The following ROBO1 variants were observed in gnomAD, a reference collection of about 807,000 sequenced individuals.
The protein encoded by ROBO1 is roundabout guidance receptor 1.
ROBO1 carries 149 observed loss-of-function variants against 195.9 expected under a neutral mutation model. That is an observed-to-expected ratio of 0.76 (90% CI 0.67 to 0.87). ROBO1 has a LOEUF of 0.87. ROBO1 is among the 40% of genes least tolerant of loss of function. The probability of loss-of-function intolerance (pLI) is 0.00; values close to 1 mark genes in which losing one functional copy is unlikely to be tolerated. For synonymous variants in ROBO1, 816 were observed against 733.2 expected (o/e 1.11, Z -1.82); for missense variants, 1,933 against 2,068.3 (o/e 0.93, Z 1.27).
intron 2 of ROBO1, among the ~76,000 whole-genome samples, chr3:79,572,205 A>C (rs771425862): frequency 6.6e-5 from 10 of 152,070 alleles, no homozygotes; most frequent in Non-Finnish European, 1.3e-4. Context: ...TCCATACATT[A>C]AATATTAAAG....
intron 3 of ROBO1, among the ~76,000 whole-genome samples, chr3:79,072,132 T>A (rs1576640447): frequency 6.6e-6 from 1 of 151,906 alleles, no homozygotes; most frequent in East Asian, 1.9e-4. Context: ...TGATTTTTCA[T>A]TTTGACATAC....
intron 3 of ROBO1, among the ~76,000 whole-genome samples, chr3:78,969,902 G>A (rs2076726000): frequency 6.6e-6 from 1 of 152,104 alleles, no homozygotes; most frequent in South Asian, 2.1e-4. Context: ...AATACTCAGT[G>A]AGTTACGACT....
chr3:79,389,639 G>T (rs1048096826), intron 2 of ROBO1, among the ~76,000 whole-genome samples: 41 of 152,132 alleles, frequency 2.7e-4, no homozygotes, highest in Admixed American at 2.6e-3. Context: ...GGCAACTTTG[G>T]CAGTGAGCTC....
At chr3:79,633,488 C>T (rs945449833) in intron 1 of ROBO1, among the ~76,000 whole-genome samples, 15 of 151,386 alleles carry the variant, frequency 9.9e-5, no homozygotes, top group Admixed American at 4.0e-4. Context: ...GCCCAGCCTA[C>T]ATATTTGTTC....
At chr3:78,617,136 A>G (rs1479495128) in intron 27 of ROBO1, among the ~76,000 whole-genome samples, 2 of 152,162 alleles carry the variant, frequency 1.3e-5, no homozygotes, top group Non-Finnish European at 2.9e-5. Flanking sequence ...AAGGAGAAAT[A>G]GCCCATTTTC....
chr3:79,661,937 G>A (rs908151057), intron 1 of ROBO1, among the ~76,000 whole-genome samples: 3 of 150,322 alleles, frequency 2.0e-5, no homozygotes, highest in African/African-American at 7.3e-5. Context: ...CTTTTTTTTT[G>A]TTTCTTTGAA....
chr3:79,506,568 CT>C (rs1162220739), intron 2 of ROBO1, among the ~76,000 whole-genome samples: 1 of 152,026 alleles, frequency 6.6e-6, no homozygotes, highest in East Asian at 1.9e-4. Context: ...CCTCAGCCTC[CT>C]GCATAGCTGG....
chr3:79,317,638 A>G (rs1559813369), intron 2 of ROBO1, among the ~76,000 whole-genome samples: 1 of 152,086 alleles, frequency 6.6e-6, no homozygotes, highest in Non-Finnish European at 1.5e-5. Context: ...TATAACGTCT[A>G]ATGTTAGCTG....
chr3:78,629,657 C>CAACCAAACCA (rs59055817), intron 25 of ROBO1, among the ~76,000 whole-genome samples: 2 of 150,312 alleles, frequency 1.3e-5, no homozygotes, highest in East Asian at 2.0e-4. Flanking sequence ...AAAACCAAAC[C>CAACCAAACCA]AACCAAACCA....
At chr3:79,486,106 T>C (rs1276503876) in intron 2 of ROBO1, among the ~76,000 whole-genome samples, 2 of 152,184 alleles carry the variant, frequency 1.3e-5, no homozygotes, top group African/African-American at 2.4e-5. Flanking sequence ...TCTTCATCTA[T>C]AAAACAAGGA....
chr3:79,761,241 T>C (rs112619196), intron 1 of ROBO1, among the ~76,000 whole-genome samples: 77 of 150,370 alleles, frequency 5.1e-4, no homozygotes, highest in African/African-American at 1.6e-3. Context: ...CCGAAGCAAC[T>C]TGAATTAATC....
At chr3:79,507,591 A>G (rs1378265648) in intron 2 of ROBO1, among the ~76,000 whole-genome samples, 1 of 152,190 alleles carries the variant, frequency 6.6e-6, no homozygotes, top group African/African-American at 2.4e-5. Flanking sequence ...TGTTCATCAT[A>G]AAGAATAATT....
At chr3:78,879,299 T>C (rs1261553459) in intron 4 of ROBO1, among the ~76,000 whole-genome samples, 1 of 152,198 alleles carries the variant, frequency 6.6e-6, no homozygotes, top group East Asian at 1.9e-4. Flanking sequence ...TCGTGTATAC[T>C]GGATCTGAGT....
intron 3 of ROBO1, among the ~76,000 whole-genome samples, chr3:78,985,437 G>A (rs1450680557): frequency 1.3e-5 from 2 of 152,092 alleles, no homozygotes; most frequent in African/African-American, 4.8e-5. Context: ...TAGGCTATTA[G>A]TAATTACATT....
intron 2 of ROBO1, among the ~76,000 whole-genome samples, chr3:79,500,117 CTCTTTTT>C (rs1939981943): frequency 2.7e-5 from 3 of 110,616 alleles, no homozygotes; most frequent in Non-Finnish European, 5.3e-5. Flanking sequence ...AGTAAGTTTT[CTCTTTTT>C]TTTTTTTTTT....
chr3:79,387,561 G>C (rs781027847), intron 2 of ROBO1, among the ~76,000 whole-genome samples: 1 of 151,618 alleles, frequency 6.6e-6, no homozygotes, highest in African/African-American at 2.4e-5. Context: ...TTTTTAAAAA[G>C]GGCTTATTTC....
Position 79,175,715 on chromosome 3 carries a change from A to G in ROBO1, c.89-50176T>C, listed in dbSNP as rs146660877. On this transcript the variant is annotated intron_variant, in intron 2 of 30. Transcript: ENST00000464233. Reference sequence around the variant, plus strand: ...TATATTCTTCTAAGACACACACTTCATATTTGGCCATGTGACATATTTGGC... The same window carrying G: ...TATATTCTTCTAAGACACACACTTCGTATTTGGCCATGTGACATATTTGGC... 3.3e-5 allele frequency among the ~76,000 whole-genome samples: 5 copies of G among 152,296 alleles called. No individual in the cohort carries two copies. The East Asian group carries it at 5.8e-4, about 18-fold the overall frequency.
chr3:79,012,662 T>TA (rs1406830287), intron 3 of ROBO1, among the ~76,000 whole-genome samples: 1 of 152,192 alleles, frequency 6.6e-6, no homozygotes, highest in East Asian at 1.9e-4. Context: ...GGAAGCCAAG[T>TA]AAAATCACAG....
chr3:79,765,323 A>T (rs1704925047), intron 1 of ROBO1, among the ~76,000 whole-genome samples: 1 of 152,186 alleles, frequency 6.6e-6, no homozygotes, highest in Admixed American at 6.5e-5. Context: ...TAGGTCCATA[A>T]GAAACAAAGT....
Sources: gnomAD v4.1 joint callset for allele counts (sites outside exome capture counted in the v4.1 genomes callset) on GRCh38, gnomAD v4.1.1 for gene constraint, MANE v1.5 for transcripts, NCBI Gene and HGNC (gene_info 2026-07-23, HGNC 2026-07-21) for gene names.